CAMKMT: variants seen among roughly 807,000 people sequenced by gnomAD.
The protein encoded by CAMKMT is CaM KMT.
Under a neutral mutation model 48.0 loss-of-function variants are expected in CAMKMT, and 53 were observed. The ratio of observed to expected loss-of-function variants is 1.10; its 90% CI spans 0.89 to 1.39. The LOEUF is 1.39. Among genes scored for constraint, CAMKMT ranks in the 40% most tolerant of loss-of-function variants. The pLI is 0.00. For synonymous variants in CAMKMT, 165 were observed against 152.3 expected (o/e 1.08, Z -0.61); for missense variants, 428 against 402.7 (o/e 1.06, Z -0.54).
At chr2:44,446,338 ATTATTTAT>A (rs552143802) in intron 3 of CAMKMT, among the ~76,000 whole-genome samples, 7 of 151,544 alleles carry the variant, frequency 4.6e-5, no homozygotes, top group Non-Finnish European at 5.9e-5. Flanking sequence ...TTTCCCTTAT[ATTATTTAT>A]TTATTTATTT....
chr2:44,672,470 T>C (rs1196165032), intron 3 of CAMKMT, among the ~76,000 whole-genome samples: 1 of 152,216 alleles, frequency 6.6e-6, no homozygotes, highest in Non-Finnish European at 1.5e-5. Context: ...GAATTTACTT[T>C]TGCAGAACAA....
intron 3 of CAMKMT, among the ~76,000 whole-genome samples, chr2:44,683,822 CAAAAAAAA>C (rs10644183): frequency 2.8e-5 from 2 of 70,936 alleles, no homozygotes; most frequent in East Asian, 4.4e-4. Flanking sequence ...GACTCTGTCT[CAAAAAAAA>C]AAAAAAAAAA....
chr2:44,367,220 A>G (rs184354736), intron 1 of CAMKMT, among the ~76,000 whole-genome samples: 117 of 152,254 alleles, frequency 7.7e-4, no homozygotes, highest in African/African-American at 2.7e-3. Context: ...GTCAGTATCT[A>G]CAGGTCTTTT....
chr2:44,513,232 C>A (rs970671504), intron 3 of CAMKMT, among the ~76,000 whole-genome samples: 9 of 151,370 alleles, frequency 5.9e-5, no homozygotes, highest in Admixed American at 5.9e-4. Flanking sequence ...GCACCCACCC[C>A]CACCCACCCA....
chr2:44,398,372 A>G (rs1186921063), intron 3 of CAMKMT, among the ~76,000 whole-genome samples: 1 of 152,220 alleles, frequency 6.6e-6, no homozygotes, highest in Non-Finnish European at 1.5e-5. Context: ...TGTGCAGCAG[A>G]TTGTGTCTCA....
intron 3 of CAMKMT, among the ~76,000 whole-genome samples, chr2:44,451,120 C>A (rs1667265880): frequency 6.6e-6 from 1 of 152,014 alleles, no homozygotes; most frequent in East Asian, 1.9e-4. Context: ...AAGTGAAAAG[C>A]ACAAAGGATG....
chr2:44,407,814 G>C (rs1180583162), intron 3 of CAMKMT, among the ~76,000 whole-genome samples: 1 of 152,054 alleles, frequency 6.6e-6, no homozygotes, highest in East Asian at 1.9e-4. Context: ...TCTTAAATCA[G>C]TTATTCTATA....
intron 9 of CAMKMT, among the ~76,000 whole-genome samples, chr2:44,763,154 A>T (rs1201434571): frequency 6.6e-6 from 1 of 152,140 alleles, no homozygotes; most frequent in African/African-American, 2.4e-5. Context: ...TGAATGGATG[A>T]TGGGCTCTTT....
At chr2:44,526,073 G>C (rs1671389123) in intron 3 of CAMKMT, among the ~76,000 whole-genome samples, 1 of 151,958 alleles carries the variant, frequency 6.6e-6, no homozygotes, top group African/African-American at 2.4e-5. Flanking sequence ...AAAATGATGA[G>C]TTCATGTCCT....
chr2:44,476,171 A>T (rs1668679208), intron 3 of CAMKMT, among the ~76,000 whole-genome samples: 1 of 152,214 alleles, frequency 6.6e-6, no homozygotes, highest in Admixed American at 6.5e-5. Flanking sequence ...ACTGCAATTT[A>T]ATACTGTACC....
At chr2:44,503,913 C>G (rs1158497865) in intron 3 of CAMKMT, among the ~76,000 whole-genome samples, 1 of 150,470 alleles carries the variant, frequency 6.6e-6, no homozygotes, top group Non-Finnish European at 1.5e-5. Context: ...TCTTACATGG[C>G]TTTTCCTTGA....
intron 3 of CAMKMT, among the ~76,000 whole-genome samples, chr2:44,682,093 A>G (rs1472302309): frequency 6.6e-6 from 1 of 152,202 alleles, no homozygotes; most frequent in Middle Eastern, 3.2e-3. Flanking sequence ...TAGAGTGTAA[A>G]CCTGATTAAT....
chr2:44,712,386 G>T (rs1425771591), intron 6 of CAMKMT, among the ~76,000 whole-genome samples: 2 of 152,028 alleles, frequency 1.3e-5, no homozygotes, highest in Admixed American at 1.3e-4. Context: ...ATTGCTAATT[G>T]CAGGAGGAGG....
At chr2:44,400,952 A>G (rs923335080) in intron 3 of CAMKMT, 15 of 119,254 alleles carry the variant, frequency 1.3e-4, no homozygotes, top group Non-Finnish European at 2.1e-4. Context: ...ATATATATAT[A>G]TATATATATG....
In CAMKMT at chr2:44,390,816, A is replaced by G. The variant is rs570294002; in HGVS notation, c.376+511A>G. On this transcript the variant is annotated intron_variant, in intron 3 of 10. Coordinates refer to ENST00000378494, the MANE Select transcript of CAMKMT (RefSeq NM_024766.5). ...ATGCAGTATTACAATATTACAGAAT[A>G]TATTGCCTTTTCATCAAAGCTTCTG... 3.3e-5 allele frequency among the ~76,000 whole-genome samples: 5 copies of G among 152,310 alleles called. No individual in the cohort carries two copies. The South Asian group carries it at 1.0e-3, about 32-fold the overall frequency.
intron 3 of CAMKMT, among the ~76,000 whole-genome samples, chr2:44,628,986 C>A (rs1464649999): frequency 6.6e-6 from 1 of 152,100 alleles, no homozygotes; most frequent in East Asian, 1.9e-4. Context: ...AACATATATT[C>A]TGCCCTTGTT....
rs1682992070 is a variant in CAMKMT, at chr2:44,409,102, T to TTGCTACATAAAGACAACTA, written c.376+18797_376+18798insTGCTACATAAAGACAACTA. ...GCCGATATATATATATATATATATATATATATATATATATATATATATATA... is the reference window on the plus strand; with the variant it reads ...GCCGATATATATATATATATATATATTGCTACATAAAGACAACTAATATATATATATATATATATATATA... On this transcript the variant is annotated intron_variant, in intron 3 of 10. Transcript: ENST00000378494. Among the ~76,000 whole-genome samples the TTGCTACATAAAGACAACTA allele has an allele frequency of 6.5e-4, 2 of 3,078 alleles. 1 individual carries two copies. Among genetic ancestry groups the TTGCTACATAAAGACAACTA allele is most frequent in the African/African-American group, 3.1e-3 (2 of 644 alleles). 2.0% of individuals were successfully genotyped at this position (3,078 alleles called of 152,430 possible).
At chr2:44,579,567 G>A (rs1186467674) in intron 3 of CAMKMT, among the ~76,000 whole-genome samples, 1 of 152,190 alleles carries the variant, frequency 6.6e-6, no homozygotes, top group Non-Finnish European at 1.5e-5. Context: ...AGCAACCTCT[G>A]AGCATGCTGA....
rs557628405 is a variant in CAMKMT, at chr2:44,476,418, C to G, written c.376+86113C>G. Among the ~76,000 whole-genome samples, 3 of 152,154 alleles carry G rather than the reference C, an allele frequency of 2.0e-5. No individual in the cohort carries two copies. In the South Asian group the frequency reaches 6.2e-4, roughly 32 times the overall value. On this transcript the variant is annotated intron_variant, in intron 3 of 10. Coordinates refer to ENST00000378494, the MANE Select transcript of CAMKMT (RefSeq NM_024766.5). ...AATGGGATACATAGTGACTTTGTAG[C>G]ATCAACTATTTAAATTTTCTAGCTC...
Sources: gnomAD v4.1 joint callset for allele counts (sites outside exome capture counted in the v4.1 genomes callset) on GRCh38, gnomAD v4.1.1 for gene constraint, MANE v1.5 for transcripts, NCBI Gene and HGNC (gene_info 2026-07-23, HGNC 2026-07-21) for gene names.